Variants in GRM7 observed in about 807,000 individuals in gnomAD.
The protein encoded by GRM7 is glutamate metabotropic receptor 7, also known as metabotropic glutamate receptor 7.
Under a neutral mutation model 84.5 loss-of-function variants are expected in GRM7, and 35 were observed. That is an observed-to-expected ratio of 0.41 (90% CI 0.32 to 0.55). The LOEUF is 0.55. GRM7 is among the 20% of genes least tolerant of loss of function. GRM7 has a pLI of 0.19. For missense variants in GRM7, 1,003 were observed against 1,194.6 expected (o/e 0.84, Z 2.36); for synonymous variants, 487 against 455.1 (o/e 1.07, Z -0.89).
intron 1 of GRM7, among the ~76,000 whole-genome samples, chr3:7,009,048 G>A (rs1254881350): frequency 6.6e-6 from 1 of 152,120 alleles, no homozygotes; most frequent in East Asian, 1.9e-4. Context: ...TATCCTTAAA[G>A]AAATAATTTC....
chr3:7,715,200 C>A, intron 9 of GRM7, among the ~76,000 whole-genome samples: 1 of 152,156 alleles, frequency 6.6e-6, no homozygotes, highest in South Asian at 2.1e-4. Context: ...TGGCTCACAC[C>A]TGCAATCCCA....
At chr3:7,267,066 A>T (rs1698668732) in intron 2 of GRM7, among the ~76,000 whole-genome samples, 1 of 152,162 alleles carries the variant, frequency 6.6e-6, no homozygotes, top group African/African-American at 2.4e-5. Flanking sequence ...TTTTGAAGAA[A>T]CTTACCATAA....
At chr3:7,680,609 G>A (rs1700326934) in intron 9 of GRM7, 2 of 305,832 alleles carry the variant, frequency 6.5e-6, no homozygotes, top group South Asian at 9.1e-5. Flanking sequence ...TTCTTTTCTT[G>A]CACCCTTCCT....
At chr3:7,083,412 T>C (rs1698335264) in intron 1 of GRM7, among the ~76,000 whole-genome samples, 1 of 152,164 alleles carries the variant, frequency 6.6e-6, no homozygotes, top group Admixed American at 6.6e-5. Flanking sequence ...GTGAACACAA[T>C]TTTCCTGTGC....
chr3:7,295,377 C>G lies in GRM7; in HGVS notation c.737-3307C>G, dbSNP rs77014641. Among the ~76,000 whole-genome samples, 816 of 152,270 alleles carry G rather than the reference C, an allele frequency of 5.4e-3. 9 individuals are homozygous for G. The highest frequency in any genetic ancestry group is 0.019 in the African/African-American group (775 of 41,570). On this transcript the variant is annotated intron_variant, in intron 2 of 9. Coordinates refer to ENST00000357716, the MANE Select transcript of GRM7 (RefSeq NM_000844.4). ...GTCTATACTTTTTACCAGCATTACA[C>G]TGCTTAATTCCTGTAGCTTGAAAGT...
At chr3:7,169,612 A>G (rs1336609230) in intron 2 of GRM7, among the ~76,000 whole-genome samples, 1 of 152,234 alleles carries the variant, frequency 6.6e-6, no homozygotes, top group African/African-American at 2.4e-5. Context: ...AGGTAAAACG[A>G]TAAGTTAGCT....
intron 1 of GRM7, among the ~76,000 whole-genome samples, chr3:6,894,879 T>C (rs1203385841): frequency 2.0e-5 from 3 of 152,182 alleles, no homozygotes; most frequent in Non-Finnish European, 4.4e-5. Flanking sequence ...TTGAAACATC[T>C]ATTTTCTCTA....
At chr3:7,340,041 C>T (rs756620187) in intron 4 of GRM7, among the ~76,000 whole-genome samples, 2 of 152,010 alleles carry the variant, frequency 1.3e-5, no homozygotes, top group Non-Finnish European at 2.9e-5. Flanking sequence ...TATTATATTT[C>T]TTCTAACACT....
chr3:7,624,363 G>A (rs559268158), intron 8 of GRM7, among the ~76,000 whole-genome samples: 5 of 152,216 alleles, frequency 3.3e-5, no homozygotes, highest in Non-Finnish European at 7.4e-5. Context: ...ATTCTACAGA[G>A]AAAACCATAA....
intron 1 of GRM7, among the ~76,000 whole-genome samples, chr3:6,881,164 ATG>A (rs1695493613): frequency 6.6e-6 from 1 of 152,122 alleles, no homozygotes; most frequent in East Asian, 1.9e-4. Context: ...TCTGGGGTAC[ATG>A]TGCAGGATGT....
At chr3:7,698,176 G>A (rs1444000087) in intron 9 of GRM7, among the ~76,000 whole-genome samples, 1 of 152,072 alleles carries the variant, frequency 6.6e-6, no homozygotes, top group Non-Finnish European at 1.5e-5. Context: ...GACTGAAGGG[G>A]GCCATTTGCA....
chr3:7,194,473 C>T (rs1034724629), intron 2 of GRM7, among the ~76,000 whole-genome samples: 5 of 152,052 alleles, frequency 3.3e-5, no homozygotes, highest in African/African-American at 1.2e-4. Flanking sequence ...AGTTTAAGTC[C>T]TCGGAGTTTT....
intron 9 of GRM7, among the ~76,000 whole-genome samples, chr3:7,730,569 T>C (rs1277734774): frequency 6.6e-6 from 1 of 152,208 alleles, no homozygotes; most frequent in Non-Finnish European, 1.5e-5. Context: ...GAGTTCTTAG[T>C]AAAAGTTCAA....
At chr3:6,950,916 T>C (rs554763169) in intron 1 of GRM7, among the ~76,000 whole-genome samples, 17 of 152,288 alleles carry the variant, frequency 1.1e-4, no homozygotes, top group African/African-American at 3.4e-4. Context: ...AGTGCAGTAT[T>C]AGGGTGAGAG....
intron 2 of GRM7, among the ~76,000 whole-genome samples, chr3:7,283,177 G>A (rs1699313689): frequency 6.6e-6 from 1 of 152,138 alleles, no homozygotes; most frequent in Non-Finnish European, 1.5e-5. Flanking sequence ...GAGTCAGACA[G>A]TCTAGGTTAG....
chr3:6,976,774 A>G (rs1559363182), intron 1 of GRM7, among the ~76,000 whole-genome samples: 1 of 152,176 alleles, frequency 6.6e-6, no homozygotes, highest in Non-Finnish European at 1.5e-5. Flanking sequence ...TGCTGAAACA[A>G]AATCTACCAT....
intron 7 of GRM7, among the ~76,000 whole-genome samples, chr3:7,511,873 G>A (rs1256139089): frequency 6.6e-6 from 1 of 152,188 alleles, no homozygotes; most frequent in Non-Finnish European, 1.5e-5. Flanking sequence ...TGGGAACAGT[G>A]GCTCATGCCT....
rs372898836 is a variant in GRM7 at position 7,473,489 on chromosome 3, G to GGAGAGAGAGAGAGAGA, written c.1515+11794_1515+11809dup. The stretch of plus-strand genomic sequence containing the variant: ...AGACTCTGTCTCTTAAAAACGAGAG[G>GGAGAGAGAGAGAGAGA]GAGAGAGAGAGAGAGAGAGAGAGAG... On this transcript the variant is annotated intron_variant, in intron 7 of 9. Transcript: ENST00000357716. Among the ~76,000 whole-genome samples the GGAGAGAGAGAGAGAGA allele has an allele frequency of 1.9e-3, 242 of 126,478 alleles. 4 individuals carry two copies. The highest frequency in any genetic ancestry group is 2.6e-3 in the Non-Finnish European group (158 of 60,934). 83.0% of individuals were successfully genotyped at this position (126,478 alleles called of 152,430 possible).
chr3:6,912,542 A>G (rs1235436546), intron 1 of GRM7, among the ~76,000 whole-genome samples: 1 of 152,172 alleles, frequency 6.6e-6, no homozygotes, highest in Non-Finnish European at 1.5e-5. Context: ...CTGTGGATGA[A>G]TATTTTGATA....
Sources: gnomAD v4.1 joint callset for allele counts (sites outside exome capture counted in the v4.1 genomes callset) on GRCh38, gnomAD v4.1.1 for gene constraint, MANE v1.5 for transcripts, NCBI Gene and HGNC (gene_info 2026-07-23, HGNC 2026-07-21) for gene names.